Variants in DEFB116 observed in about 807,000 individuals in gnomAD.
The protein encoded by DEFB116 is beta-defensin 116.
A neutral mutation model predicts 2.8 loss-of-function variants in DEFB116; 5 were observed. The observed-to-expected ratio is 1.80, with a 90% CI of 0.94 to 3.79. The LOEUF is 3.79. Ranked by LOEUF, DEFB116 falls within the 30% of genes most tolerant of loss-of-function variation. The pLI, the probability that DEFB116 is intolerant of heterozygous loss-of-function variation, is 0.00. For synonymous variants in DEFB116, 56 were observed against 40.8 expected, an observed-to-expected ratio of 1.37 and a Z score of -1.42; for missense variants, 170 against 118.0, an observed-to-expected ratio of 1.44 and a Z score of -2.04.
chr20:31,307,335 T>C (rs1985013473), intron 1 of DEFB116, among the ~76,000 whole-genome samples: 1 of 152,128 alleles, frequency 6.6e-6, no homozygotes, highest in Non-Finnish European at 1.5e-5. Context: ...GTCTCTTCAA[T>C]AAATGTATTG....
intron 1 of DEFB116, 49 bp downstream of exon 1, chr20:31,308,470 C>G (rs1029496231): frequency 1.9e-6 from 3 of 1,592,806 alleles, no homozygotes; most frequent in Admixed American, 1.7e-5. Flanking sequence ...CACCAAGATA[C>G]CAGTACCACA....
intron 1 of DEFB116, among the ~76,000 whole-genome samples, chr20:31,305,768 CT>C (rs1002409104): frequency 6.6e-6 from 1 of 151,920 alleles, no homozygotes; most frequent in Non-Finnish European, 1.5e-5. Context: ...AAAGTCTCCA[CT>C]GTGTTTGTGT....
At chr20:31,306,982 T>C (rs143148538) in intron 1 of DEFB116, among the ~76,000 whole-genome samples, 2 of 152,276 alleles carry the variant, frequency 1.3e-5, no homozygotes, top group Non-Finnish European at 2.9e-5. Context: ...ATATTTTTCA[T>C]CCAGTGTTTA....
At chr20:31,305,620 T>G (rs968658984) in intron 1 of DEFB116, among the ~76,000 whole-genome samples, 5 of 152,066 alleles carry the variant, frequency 3.3e-5, no homozygotes, top group Non-Finnish European at 1.5e-5. Flanking sequence ...AATCTCTCCA[T>G]CTTCCGATTG....
intron 1 of DEFB116, among the ~76,000 whole-genome samples, chr20:31,305,400 G>C (rs1568707757): frequency 6.6e-6 from 1 of 152,080 alleles, no homozygotes; most frequent in Non-Finnish European, 1.5e-5. Context: ...CAGATACCAA[G>C]AATGAGCAAT....
chr20:31,307,833 A>G lies in DEFB116; in HGVS notation c.67+686T>C, dbSNP rs571311132. Among the ~76,000 whole-genome samples, 4 of 151,992 alleles carry G rather than the reference A, an allele frequency of 2.6e-5. No homozygotes were observed. In the South Asian group the frequency reaches 6.2e-4, roughly 24 times the overall value. ...AATAAGATACCCACTTTAGGCAAAC[A>G]CTAACTACAACTCAAGCCCTACCTC... is the stretch of plus-strand genomic sequence containing the variant. On this transcript the variant is annotated intron_variant, in intron 1 of 1. Coordinates refer to ENST00000400549, the MANE Select transcript of DEFB116 (RefSeq NM_001037731.1).
intron 1 of DEFB116, among the ~76,000 whole-genome samples, chr20:31,304,206 G>T (rs1326730026): frequency 6.6e-6 from 1 of 152,062 alleles, no homozygotes; most frequent in Admixed American, 6.6e-5. Context: ...AGTCATCCAG[G>T]TGTGTACATG....
intron 1 of DEFB116, among the ~76,000 whole-genome samples, chr20:31,305,688 A>G (rs1215348365): frequency 6.6e-6 from 1 of 151,854 alleles, no homozygotes; most frequent in South Asian, 2.1e-4. Context: ...GCACCATGCT[A>G]TATTTTAACC....
rs894089828 is a variant in DEFB116 at position 31,303,342 on chromosome 20, G to T, written c.179C>A (p.Thr60Asn). 7.4e-6 allele frequency: 12 copies of T among 1,613,488 alleles called. No homozygotes were observed. Among genetic ancestry groups the T allele is most frequent in the Admixed American group, 1.7e-5 (1 of 59,970 alleles). Residue 60 changes from threonine (T) to asparagine (N), a missense_variant, in exon 2 of 2, where the codon ACC (threonine) becomes AAC (asparagine). Thr to Asn is a moderately conservative substitution (Grantham distance 65). Coordinates refer to ENST00000400549, the MANE Select transcript of DEFB116 (RefSeq NM_001037731.1). ...ACREYEIQYL[T>N]CPNDQKCCLK... Reference sequence around the variant, plus strand: ...GCAGCACTTTTGATCATTTGGGCAGGTTAAGTATTGGATTTCATATTCTCT... The same window carrying T: ...GCAGCACTTTTGATCATTTGGGCAGTTTAAGTATTGGATTTCATATTCTCT...
At chr20:31,308,448 C>G in intron 1 of DEFB116, 71 bp downstream of exon 1, 1 of 1,495,476 alleles carries the variant, frequency 6.7e-7, no homozygotes. Context: ...GAGTAGGAGT[C>G]ACTGCAGAGG....
chr20:31,304,977 G>A (rs1448789393), intron 1 of DEFB116, among the ~76,000 whole-genome samples: 1 of 152,082 alleles, frequency 6.6e-6, no homozygotes, highest in East Asian at 1.9e-4. Flanking sequence ...ATAAAGAAGA[G>A]GGAAATGCCT....
At chr20:31,308,428 C>T (rs1412863048) in intron 1 of DEFB116, 91 bp downstream of exon 1, 16 of 1,291,390 alleles carry the variant, frequency 1.2e-5, no homozygotes, top group Non-Finnish European at 1.8e-5. Context: ...AGGTGTTGCC[C>T]ACTATATGTG....
chr20:31,305,534 A>C (rs1984973905), intron 1 of DEFB116, among the ~76,000 whole-genome samples: 1 of 152,162 alleles, frequency 6.6e-6, no homozygotes, highest in Non-Finnish European at 1.5e-5. Flanking sequence ...TCTTACTCCT[A>C]CAGCTTTTCT....
Position 31,308,582 on chromosome 20 carries a change from A to G in DEFB116, c.4T>C (p.Ser2Pro). Reference protein sequence around the residue: MSVMKPCLMTIA... With the variant: MPVMKPCLMTIA... ...GTCATTAAACAGGGCTTCATGACTGACATGTTCCACCAGAATGAAGGGCTG... is the reference window on the plus strand; with the variant it reads ...GTCATTAAACAGGGCTTCATGACTGGCATGTTCCACCAGAATGAAGGGCTG... Residue 2 changes from serine (S) to proline (P), a missense_variant, in exon 1 of 2, where the codon TCA becomes CCA. Ser to Pro is a moderately conservative substitution (Grantham distance 74). Coordinates refer to ENST00000400549, the MANE Select transcript of DEFB116 (RefSeq NM_001037731.1). The G allele has an allele frequency of 6.2e-7, 1 of 1,613,454 alleles. No homozygotes were observed. The highest frequency in any genetic ancestry group is 8.5e-7 in the Non-Finnish European group (1 of 1,179,438).
At chr20:31,308,497 C>T (rs6121357) in intron 1 of DEFB116, 22 bp downstream of exon 1, 1 of 1,612,944 alleles carries the variant, frequency 6.2e-7, no homozygotes, top group Non-Finnish European at 8.5e-7. Context: ...ACGCCAGAAC[C>T]TTTGAGAGAG....
Position 31,308,534 on chromosome 20 carries a change from C to G in DEFB116, c.52G>C (p.Ala18Pro). 6.2e-7 allele frequency: 1 copy of G among 1,613,444 alleles called. No homozygotes were observed. The highest frequency in any genetic ancestry group is 8.5e-7 in the Non-Finnish European group (1 of 1,179,514). Reference protein sequence around the residue: ...LMTIAILMILAQKTPGGLFRS... With the variant: ...LMTIAILMILPQKTPGGLFRS... ...CCTGAGTTACCTGGAGTCTTTTGAG[C>G]CAGGATCATAAGGATGGCAATGGTC... The change falls in exon 1 of 2, where the codon GCT becomes CCT. Residue 18 changes from alanine (A) to proline (P), a missense_variant. Physicochemically the swap from Ala to Pro is conservative, Grantham distance 27. Coordinates refer to ENST00000400549, the MANE Select transcript of DEFB116 (RefSeq NM_001037731.1).
intron 1 of DEFB116, among the ~76,000 whole-genome samples, chr20:31,306,077 C>A (rs964458968): frequency 2.0e-5 from 3 of 152,062 alleles, no homozygotes; most frequent in African/African-American, 4.8e-5. Flanking sequence ...ATCCTCTGGA[C>A]CTTTTTAAAA....
At chr20:31,305,832 C>T (rs1394200615) in intron 1 of DEFB116, among the ~76,000 whole-genome samples, 10 of 152,130 alleles carry the variant, frequency 6.6e-5, no homozygotes, top group South Asian at 2.1e-4. Context: ...CATATTTTTA[C>T]GTATATTCAT....
chr20:31,304,844 G>A (rs1042857129), intron 1 of DEFB116, among the ~76,000 whole-genome samples: 2 of 151,940 alleles, frequency 1.3e-5, no homozygotes, highest in Non-Finnish European at 2.9e-5. Flanking sequence ...TAACATTAAC[G>A]AAAATGGGAC....
Sources: gnomAD v4.1 joint callset for allele counts (sites outside exome capture counted in the v4.1 genomes callset) on GRCh38, gnomAD v4.1.1 for gene constraint, MANE v1.5 for transcripts, NCBI Gene and HGNC (gene_info 2026-07-23, HGNC 2026-07-21) for gene names.